The following ATXN7 variants were observed in gnomAD, a reference collection of about 807,000 sequenced individuals.
The protein encoded by ATXN7 is ataxin 7.
In ATXN7, 12 loss-of-function variants were observed where a neutral mutation model predicts 70.5. That is an observed-to-expected ratio of 0.17 (90% CI 0.11 to 0.28). The LOEUF (loss-of-function observed/expected upper bound fraction) is 0.28. ATXN7 is among the 10% of genes least tolerant of loss of function. The probability of loss-of-function intolerance (pLI) is 1.00; values close to 1 mark genes in which losing one functional copy is unlikely to be tolerated. For missense variants in ATXN7, 1,256 were observed against 1,131.7 expected, an observed-to-expected ratio of 1.11 and a Z score of -1.58; for synonymous variants, 498 against 448.7, an observed-to-expected ratio of 1.11 and a Z score of -1.39.
rs1028237762 is a variant in ATXN7 at position 64,000,544 on chromosome 3, T to C, written c.*1077T>C. 2 of 152,496 alleles carry C rather than the reference T, an allele frequency of 1.3e-5. No homozygotes were observed. Among genetic ancestry groups the C allele is most frequent in the Non-Finnish European group, 2.9e-5 (2 of 68,052 alleles). The allele number at this position is 152,496 out of a possible 1,614,324, so 9.4% of individuals were successfully genotyped here. The stretch of plus-strand genomic sequence containing the variant: ...ATACTGTCCTGGGACTAAGTGTAGA[T>C]TTCTGCTTCAAGCACTTCTGGCATT... On this transcript the variant is annotated 3_prime_UTR_variant, in exon 13 of 13. Transcript: ENST00000674280.
intron 1 of ATXN7, among the ~76,000 whole-genome samples, chr3:63,877,058 T>C (rs1220019340): frequency 1.3e-5 from 2 of 152,240 alleles, no homozygotes; most frequent in Admixed American, 6.5e-5. Context: ...ACATTTTGAA[T>C]GGTTTTTTTA....
intron 5 of ATXN7, chr3:63,967,885 G>T: frequency 6.5e-7 from 1 of 1,535,874 alleles, no homozygotes; most frequent in East Asian, 2.4e-5. Flanking sequence ...TAGCAAGTGT[G>T]CAATGAAGCA....
At chr3:63,958,644 T>G (rs2075075025) in intron 5 of ATXN7, among the ~76,000 whole-genome samples, 1 of 152,060 alleles carries the variant, frequency 6.6e-6, no homozygotes, top group Admixed American at 6.5e-5. Flanking sequence ...TCATAACTGT[T>G]TTTGATAAAG....
intron 5 of ATXN7, among the ~76,000 whole-genome samples, chr3:63,975,407 A>T (rs188115940): frequency 0.018 from 2,807 of 152,340 alleles, 33 homozygotes; most frequent in African/African-American, 0.041. Flanking sequence ...CAAATGTTTT[A>T]AAAAATAGAG....
Position 63,987,660 on chromosome 3 carries a change from T to G in ATXN7, c.1096-399T>G, listed in dbSNP as rs79356584. On this transcript the variant is annotated intron_variant, in intron 8 of 12. Transcript: ENST00000674280. Reference sequence around the variant, plus strand: ...TTGTTTCTTCCCTTTACATTAACATTCAAAATTTTAAATGGTCCAAAGAGG... The same window carrying G: ...TTGTTTCTTCCCTTTACATTAACATGCAAAATTTTAAATGGTCCAAAGAGG... 3.2e-3 allele frequency among the ~76,000 whole-genome samples: 490 copies of G among 152,282 alleles called. 3 individuals carry two copies. The highest frequency in any genetic ancestry group is 0.011 in the African/African-American group (471 of 41,546).
chr3:63,902,430 TAAAATGGTG>T (rs1703677692), intron 2 of ATXN7, among the ~76,000 whole-genome samples: 1 of 151,994 alleles, frequency 6.6e-6, no homozygotes, highest in Non-Finnish European at 1.5e-5. Flanking sequence ...AAATAAATAA[TAAAATGGTG>T]AAAATGGTGA....
intron 8 of ATXN7, among the ~76,000 whole-genome samples, chr3:63,987,536 A>C (rs2075597476): frequency 6.6e-6 from 1 of 152,044 alleles, no homozygotes; most frequent in Non-Finnish European, 1.5e-5. Context: ...CTATTTTTGC[A>C]TGGCATTTTC....
chr3:63,968,067 C>G, intron 5 of ATXN7: 1 of 1,036,944 alleles, frequency 9.6e-7, no homozygotes, highest in Middle Eastern at 2.5e-4. Context: ...TCTTTGCTAA[C>G]CTTACATAGA....
chr3:63,924,377 G>A (rs1474916584), intron 4 of ATXN7, among the ~76,000 whole-genome samples: 1 of 151,880 alleles, frequency 6.6e-6, no homozygotes, highest in African/African-American at 2.4e-5. Flanking sequence ...GTGGAGACTG[G>A]GTCAGTCTGT....
At chr3:63,919,606 TTTAA>T (rs1435362917) in intron 4 of ATXN7, among the ~76,000 whole-genome samples, 2 of 152,110 alleles carry the variant, frequency 1.3e-5, no homozygotes, top group African/African-American at 4.8e-5. Flanking sequence ...TATCTTTTTT[TTTAA>T]TTATTATACT....
chr3:63,871,996 T>A (rs1173860798), intron 1 of ATXN7, among the ~76,000 whole-genome samples: 1 of 152,212 alleles, frequency 6.6e-6, no homozygotes, highest in Non-Finnish European at 1.5e-5. Flanking sequence ...ACTATGATAA[T>A]TTTAGCAAAT....
chr3:63,981,657 C>G (rs942598762), intron 6 of ATXN7, among the ~76,000 whole-genome samples: 7 of 152,190 alleles, frequency 4.6e-5, no homozygotes, highest in African/African-American at 1.7e-4. Context: ...AAACACTAGT[C>G]TCCCTTATTG....
intron 1 of ATXN7, among the ~76,000 whole-genome samples, chr3:63,877,677 G>T (rs950488431): frequency 8.5e-5 from 13 of 152,150 alleles, no homozygotes; most frequent in African/African-American, 3.1e-4. Flanking sequence ...TGTTGGAGTG[G>T]CTTATTGATA....
chr3:63,985,146 C>A (rs2075553830), intron 8 of ATXN7, among the ~76,000 whole-genome samples: 1 of 152,018 alleles, frequency 6.6e-6, no homozygotes, highest in Non-Finnish European at 1.5e-5. Context: ...GGATAACTAC[C>A]CAGAAGTGAG....
At chr3:63,938,241 T>C (rs1375686632) in intron 4 of ATXN7, among the ~76,000 whole-genome samples, 2 of 152,202 alleles carry the variant, frequency 1.3e-5, no homozygotes, top group Non-Finnish European at 2.9e-5. Context: ...AAAACTGAGA[T>C]AAGAGAATGC....
At chr3:63,976,036 C>T (rs550129792) in intron 5 of ATXN7, among the ~76,000 whole-genome samples, 42 of 152,134 alleles carry the variant, frequency 2.8e-4, no homozygotes, top group Non-Finnish European at 4.0e-4. Context: ...GAGAGAGGAG[C>T]GCTTTGAAAA....
chr3:63,893,920 G>A lies in ATXN7; in HGVS notation c.-110-4479G>A, dbSNP rs141238766. Among the ~76,000 whole-genome samples, 481 of 152,228 alleles carry A rather than the reference G, an allele frequency of 3.2e-3. 2 individuals are homozygous for A. Among genetic ancestry groups the A allele is most frequent in the African/African-American group, 0.01 (430 of 41,528 alleles). On this transcript the variant is annotated intron_variant, in intron 1 of 12. Transcript: ENST00000674280. ...GAGAGTGAAAGCAAGGTGGAACTGG[G>A]GTCCAAAGAGAGGGAGTAAACTAGA...
At chr3:63,981,202 G>A (rs2106756549) in intron 6 of ATXN7, among the ~76,000 whole-genome samples, 1 of 152,316 alleles carries the variant, frequency 6.6e-6, no homozygotes, top group South Asian at 2.1e-4. Context: ...TCTCTCTACT[G>A]CTGTCAGGCT....
intron 8 of ATXN7, 54 bp from the exon 9 acceptor site, chr3:63,988,005 A>C (rs1267055579): frequency 6.2e-7 from 1 of 1,602,712 alleles, no homozygotes; most frequent in African/African-American, 1.3e-5. Flanking sequence ...GATATAAGGC[A>C]GACCAAAAAT....
Sources: allele counts gnomAD v4.1 joint callset (sites outside exome capture counted in the v4.1 genomes callset), GRCh38; gene constraint gnomAD v4.1.1; transcripts MANE v1.5; gene names NCBI Gene and HGNC (gene_info 2026-07-23, HGNC 2026-07-21).